The following SAXO1 variants were observed in gnomAD, a reference collection of about 807,000 sequenced individuals.
The protein encoded by SAXO1 is stabilizer of axonemal microtubules 1.
A neutral mutation model predicts 17.5 loss-of-function variants in SAXO1; 21 were observed. That is an observed-to-expected ratio of 1.20 (90% CI 0.85 to 1.72). SAXO1 has a LOEUF of 1.72. Ranked by LOEUF, SAXO1 falls within the 40% of genes most tolerant of loss-of-function variation. SAXO1 has a pLI of 0.00. For missense variants in SAXO1, 843 were observed against 596.0 expected (o/e 1.41, Z -4.32); for synonymous variants, 274 against 216.5 (o/e 1.27, Z -2.33).
At chr9:18,957,615 G>A (rs1010217762) in intron 1 of SAXO1, among the ~76,000 whole-genome samples, 1 of 152,176 alleles carries the variant, frequency 6.6e-6, no homozygotes, top group African/African-American at 2.4e-5. Flanking sequence ...CCCCATCTAG[G>A]AGAGGGGAAG....
chr9:18,975,874 GA>G (rs1456772250), intron 1 of SAXO1, among the ~76,000 whole-genome samples: 2 of 120,476 alleles, frequency 1.7e-5, no homozygotes, highest in African/African-American at 2.5e-5. Flanking sequence ...AACTACAGCT[GA>G]AGTGGAGCAG....
intron 1 of SAXO1, among the ~76,000 whole-genome samples, chr9:18,955,312 T>C (rs1832213161): frequency 6.6e-6 from 1 of 152,254 alleles, no homozygotes; most frequent in South Asian, 2.1e-4. Context: ...CATTTAAAAA[T>C]TATTAATGAG....
intron 2 of SAXO1, among the ~76,000 whole-genome samples, chr9:18,944,777 C>T (rs552996117): frequency 6.6e-6 from 1 of 152,286 alleles, no homozygotes; most frequent in Middle Eastern, 3.4e-3. Context: ...AATAACGTAA[C>T]AGTGAGCTAG....
chr9:19,005,831 A>C lies in SAXO1; in HGVS notation c.38+27040T>G, dbSNP rs74820386. 9.6e-4 allele frequency among the ~76,000 whole-genome samples: 147 copies of C among 152,354 alleles called. 1 individual carries two copies. The East Asian group carries it at 0.026, about 27-fold the overall frequency. ...ACGCTATCAAGACAGTGAAAAGGTA[A>C]GCTACAGGCTGGGAAAAAATTTGCA... On this transcript the variant is annotated intron_variant, in intron 1 of 3. Coordinates refer to ENST00000380534, the MANE Select transcript of SAXO1 (RefSeq NM_153707.4).
chr9:19,017,899 G>A (rs542783816), intron 1 of SAXO1, among the ~76,000 whole-genome samples: 193 of 152,316 alleles, frequency 1.3e-3, no homozygotes, highest in African/African-American at 4.2e-3. Flanking sequence ...TGTGCACAGT[G>A]GCTCACGCTT....
At chr9:18,997,377 AGT>A (rs1346476862) in intron 1 of SAXO1, among the ~76,000 whole-genome samples, 1 of 152,196 alleles carries the variant, frequency 6.6e-6, no homozygotes, top group Non-Finnish European at 1.5e-5. Flanking sequence ...GGGATGCTGG[AGT>A]GTGGTAAGAG....
chr9:18,970,178 G>A (rs1052403170), intron 1 of SAXO1, among the ~76,000 whole-genome samples: 34 of 152,132 alleles, frequency 2.2e-4, no homozygotes, highest in Non-Finnish European at 1.0e-4. Context: ...CCAGATGTTT[G>A]GCTTGATGTG....
At chr9:18,965,925 G>T (rs1832697382) in intron 1 of SAXO1, among the ~76,000 whole-genome samples, 1 of 152,178 alleles carries the variant, frequency 6.6e-6, no homozygotes, top group South Asian at 2.1e-4. Flanking sequence ...AGGAGCTGTT[G>T]TAAGGCAGGG....
At chr9:18,974,690 T>C (rs1833066703) in intron 1 of SAXO1, among the ~76,000 whole-genome samples, 1 of 151,436 alleles carries the variant, frequency 6.6e-6, no homozygotes, top group Non-Finnish European at 1.5e-5. Context: ...GATCAATGAG[T>C]ACATACTGAG....
chr9:18,935,661 G>A (rs1831255454), intron 3 of SAXO1, among the ~76,000 whole-genome samples: 1 of 152,176 alleles, frequency 6.6e-6, no homozygotes, highest in Admixed American at 6.5e-5. Flanking sequence ...AAGACCCACT[G>A]TGTCTGTCTC....
intron 1 of SAXO1, among the ~76,000 whole-genome samples, chr9:18,986,066 A>G (rs966933119): frequency 1.3e-5 from 2 of 152,232 alleles, no homozygotes; most frequent in African/African-American, 2.4e-5. Context: ...TTGCACTTTC[A>G]TTCTTAGCAG....
Position 18,927,938 on chromosome 9 carries a change from T to C in SAXO1, c.*114A>G, listed in dbSNP as rs1830833366. ...TCAAGTGCTCTGGAAGTGGTGAAGG[T>C]TTTTTGTTTTTTGTTTTTTGTCATT... On this transcript the variant is annotated 3_prime_UTR_variant, in exon 4 of 4. Transcript: ENST00000380534. 8.4e-7 allele frequency: 1 copy of C among 1,192,044 alleles called. No individual in the cohort carries two copies. The highest frequency in any genetic ancestry group is 1.2e-6 in the Non-Finnish European group (1 of 860,656). 73.8% of individuals were successfully genotyped at this position (1,192,044 alleles called of 1,614,324 possible).
chr9:19,033,860 C>T (rs912329730), upstream of SAXO1, among the ~76,000 whole-genome samples: 3 of 152,162 alleles, frequency 2.0e-5, no homozygotes, highest in Non-Finnish European at 4.4e-5. Flanking sequence ...TTCTTACAAG[C>T]TCTCAGGTAA....
intron 1 of SAXO1, among the ~76,000 whole-genome samples, chr9:18,987,767 C>T (rs1036307902): frequency 6.6e-6 from 1 of 151,958 alleles, no homozygotes; most frequent in African/African-American, 2.4e-5. Flanking sequence ...TGTGGTGGCA[C>T]ATGCCTGTAG....
At chr9:18,975,124 G>T (rs529637482) in intron 1 of SAXO1, among the ~76,000 whole-genome samples, 3 of 152,288 alleles carry the variant, frequency 2.0e-5, no homozygotes, top group Middle Eastern at 6.8e-3. Context: ...GAAATAAGAG[G>T]CAAGAGATTT....
chr9:18,983,749 T>G (rs1316262713), intron 1 of SAXO1, among the ~76,000 whole-genome samples: 1 of 152,194 alleles, frequency 6.6e-6, no homozygotes, highest in African/African-American at 2.4e-5. Flanking sequence ...TGAAATCAAC[T>G]GCTTCCAAAC....
intron 1 of SAXO1, among the ~76,000 whole-genome samples, chr9:18,987,133 ACAGTCCTCTCAGG>A (rs1833624241): frequency 6.6e-6 from 1 of 152,218 alleles, no homozygotes; most frequent in Non-Finnish European, 1.5e-5. Flanking sequence ...ATTGTCAGGC[ACAGTCCTCTCAGG>A]TGATTAACAA....
chr9:19,000,274 G>C (rs1267533777), intron 1 of SAXO1, among the ~76,000 whole-genome samples: 1 of 151,244 alleles, frequency 6.6e-6, no homozygotes, highest in African/African-American at 2.4e-5. Flanking sequence ...GACGTGAGGA[G>C]CGCCTCTGCC....
upstream of SAXO1, among the ~76,000 whole-genome samples, chr9:19,034,274 G>GT (rs1403395394): frequency 2.7e-5 from 3 of 110,926 alleles, no homozygotes; most frequent in African/African-American, 1.0e-4. Flanking sequence ...CTTTTTGTGT[G>GT]GGGGGGGTTA....
Sources: gnomAD v4.1 joint callset for allele counts (sites outside exome capture counted in the v4.1 genomes callset) on GRCh38, gnomAD v4.1.1 for gene constraint, MANE v1.5 for transcripts, NCBI Gene and HGNC (gene_info 2026-07-23, HGNC 2026-07-21) for gene names.